The following WDTC1 variants were observed in gnomAD, a reference collection of about 807,000 sequenced individuals.
WDTC1 encodes WD and tetratricopeptide repeats 1.
In WDTC1, 12 loss-of-function variants were observed where a neutral mutation model predicts 76.0. The observed-to-expected ratio is 0.16, with a 90% CI of 0.10 to 0.26. WDTC1 has a LOEUF of 0.26. Ranked by LOEUF, WDTC1 falls within the 10% of genes least tolerant of loss-of-function variation. WDTC1 has a pLI of 1.00. For synonymous variants in WDTC1, 326 were observed against 350.8 expected (o/e 0.93, Z 0.79); for missense variants, 511 against 908.8 (o/e 0.56, Z 5.63).
chr1:27,249,552 C>A (rs182488620), intron 1 of WDTC1, among the ~76,000 whole-genome samples: 3 of 152,028 alleles, frequency 2.0e-5, no homozygotes, highest in Admixed American at 2.0e-4. Flanking sequence ...TGGATGTTTC[C>A]ACCTTTTGGC....
chr1:27,258,395 G>T (rs975378295), intron 1 of WDTC1, among the ~76,000 whole-genome samples: 7 of 151,832 alleles, frequency 4.6e-5, no homozygotes, highest in Non-Finnish European at 5.9e-5. Context: ...TAGCTGGCGT[G>T]GTGGCAGGTG....
chr1:27,294,353 T>C (rs914072888), intron 8 of WDTC1, among the ~76,000 whole-genome samples, 161 bp from the exon 9 acceptor site: 4 of 152,190 alleles, frequency 2.6e-5, no homozygotes, highest in Admixed American at 2.0e-4. Context: ...AGATAAAATA[T>C]ATAAAGCAAC....
In WDTC1 at chr1:27,303,616, C is replaced by T; in HGVS notation, c.1469-5C>T. ...CGCTTACCTTTTCTGGATCTCTGCCCCCAGAGGAGAAGAAGGGACCTGGTG... is the reference window on the plus strand; with the variant it reads ...CGCTTACCTTTTCTGGATCTCTGCCTCCAGAGGAGAAGAAGGGACCTGGTG... On this transcript the variant is annotated splice_polypyrimidine_tract_variant and splice_region_variant and intron_variant, in intron 13 of 15. Transcript: ENST00000319394. This position sits in a 1 kb window ranked among gnomAD's most constrained non-coding sequence, Gnocchi z 4.8. 1.9e-6 allele frequency: 3 copies of T among 1,587,908 alleles called. No individual in the cohort carries two copies. The highest frequency in any genetic ancestry group is 1.1e-5 in the South Asian group (1 of 87,292).
chr1:27,296,113 T>C (rs1288502939), intron 9 of WDTC1, among the ~76,000 whole-genome samples: 1 of 152,126 alleles, frequency 6.6e-6, no homozygotes, highest in African/African-American at 2.4e-5. Context: ...GGACTTTGGG[T>C]AGATCAGATA....
intron 5 of WDTC1, among the ~76,000 whole-genome samples, chr1:27,284,539 A>C (rs1387392529): frequency 6.6e-6 from 1 of 152,126 alleles, no homozygotes; most frequent in Non-Finnish European, 1.5e-5. Context: ...ATGATGATTT[A>C]CCTCTTATAT....
intron 1 of WDTC1, among the ~76,000 whole-genome samples, chr1:27,256,947 C>T (rs1037161073): frequency 1.6e-4 from 25 of 152,140 alleles, no homozygotes; most frequent in African/African-American, 5.3e-4. Context: ...CTGCAAGCTC[C>T]GTCTCCCGGA....
At chr1:27,304,833 C>T in intron 14 of WDTC1, 168 bp from the exon 15 acceptor site, 1 of 622,802 alleles carries the variant, frequency 1.6e-6, no homozygotes, top group Non-Finnish European at 2.7e-6. Context: ...GAACAGTGAC[C>T]AGGGCTATAT....
chr1:27,294,177 A>C (rs1370930215), intron 8 of WDTC1, 61 bp downstream of exon 8: 1 of 1,544,280 alleles, frequency 6.5e-7, no homozygotes, highest in Admixed American at 1.8e-5. Context: ...TTTTGGGGGC[A>C]GTCCAGGGAG....
At chr1:27,293,204 A>G (rs1314723446) in intron 7 of WDTC1, among the ~76,000 whole-genome samples, 1 of 151,542 alleles carries the variant, frequency 6.6e-6, no homozygotes, top group Non-Finnish European at 1.5e-5. Flanking sequence ...AGGCCGAGGC[A>G]GGCGGATCAC....
At chr1:27,279,886 C>G (rs1275514047) in intron 3 of WDTC1, among the ~76,000 whole-genome samples, 1 of 152,226 alleles carries the variant, frequency 6.6e-6, no homozygotes, top group East Asian at 1.9e-4. Flanking sequence ...GTCTTGAACT[C>G]TCTTGGTGCA....
intron 1 of WDTC1, among the ~76,000 whole-genome samples, chr1:27,240,296 T>C (rs2011590455): frequency 6.6e-6 from 1 of 152,162 alleles, no homozygotes; most frequent in African/African-American, 2.4e-5. Flanking sequence ...TAGACTAAAG[T>C]TAAGGAATAT....
intron 3 of WDTC1, among the ~76,000 whole-genome samples, chr1:27,264,695 C>T (rs771453943): frequency 4.6e-5 from 7 of 151,902 alleles, no homozygotes; most frequent in Non-Finnish European, 1.0e-4. Flanking sequence ...GCTGTGTTGC[C>T]CAAGCTGATC....
rs764387833 is a variant in WDTC1 at position 27,306,321 on chromosome 1, G to A, written c.1972G>A (p.Gly658Ser). The change falls in exon 16 of 16, where the codon GGT becomes AGT. Residue 658 changes from glycine (G) to serine (S), a missense_variant. Physicochemically the swap from Gly to Ser is moderately conservative, Grantham distance 56. Coordinates refer to ENST00000319394, the MANE Select transcript of WDTC1 (RefSeq NM_001276252.2). The surrounding 1 kb of genome is among the most constrained non-coding windows in gnomAD (Gnocchi z 5.0). ...GYRITGLSSGGAGASDDEDSS... is the reference protein window; with the variant it reads ...GYRITGLSSGSAGASDDEDSS... ...CCGGATCACGGGCCTGAGCAGTGGG[G>A]GTGCCGGGGCCTCTGATGATGAGGA... is the stretch of plus-strand genomic sequence containing the variant. 1.4e-5 allele frequency: 22 copies of A among 1,613,878 alleles called. No homozygotes were observed. In the South Asian group the frequency reaches 2.4e-4, roughly 18 times the overall value.
At position 27,239,932 on chromosome 1, in the gene WDTC1, G is replaced by A. The variant is rs111647665; in HGVS notation, c.-100+4981G>A. On this transcript the variant is annotated intron_variant, in intron 1 of 15. Transcript: ENST00000319394. ...TTTAAGACAGAGTTTTGCTCTTATT[G>A]CCCAGGCTGGAGTGCACACGATCTC... Among the ~76,000 whole-genome samples the A allele has an allele frequency of 5.3e-5, 8 of 149,908 alleles. 1 individual carries two copies. Among genetic ancestry groups the A allele is most frequent in the African/African-American group, 2.0e-4 (8 of 40,800 alleles).
rs147091660 is a variant in WDTC1 at position 27,301,459 on chromosome 1, G to C, written c.1466G>C (p.Gly489Ala). 1.8e-4 allele frequency: 291 copies of C among 1,612,124 alleles called. 1 individual carries two copies. The African/African-American group carries it at 3.3e-3, about 18-fold the overall frequency. The change falls in exon 13 of 16, where the codon GGT becomes GCT. Residue 489 changes from glycine to alanine, a missense_variant and splice_region_variant. Coordinates refer to ENST00000319394, the MANE Select transcript of WDTC1 (RefSeq NM_001276252.2). This position sits in a 1 kb window ranked among gnomAD's most constrained non-coding sequence, Gnocchi z 5.8. ...GCTGCCCTCTTCTCTAAAAATGATG[G>C]TGGTGAGTGGGCACTGAGGAGGGGG... ...ITAALFSKND[G>A]EEKKGPGGGA... is the part of the protein sequence containing the mutation.
Position 27,283,410 on chromosome 1 carries a change from C to G in WDTC1, c.252C>G (p.Ser84=). The G allele has an allele frequency of 6.2e-7, 1 of 1,613,546 alleles. No homozygotes were observed. The highest frequency in any genetic ancestry group is 8.5e-7 in the Non-Finnish European group (1 of 1,180,032). Residue 84 remains serine (S), a synonymous_variant, in exon 5 of 16, where the codon TCC becomes TCG. Transcript: ENST00000319394. ...WDPLHHKKLL[S]MHTGHTANIF... ...CGCTGCACCACAAGAAGCTGCTCTC[C>G]ATGCACACGGGACACACCGCAAATA...
chr1:27,245,871 G>C (rs2011812685), intron 1 of WDTC1, among the ~76,000 whole-genome samples: 1 of 151,456 alleles, frequency 6.6e-6, no homozygotes, highest in South Asian at 2.1e-4. Context: ...TAATCCTATG[G>C]GACATGCTAT....
At chr1:27,239,602 G>A (rs1256256336) in intron 1 of WDTC1, among the ~76,000 whole-genome samples, 2 of 149,492 alleles carry the variant, frequency 1.3e-5, no homozygotes, top group African/African-American at 4.9e-5. Flanking sequence ...TGTGGGCAGA[G>A]CTCAGGAGTT....
intron 1 of WDTC1, among the ~76,000 whole-genome samples, chr1:27,245,403 G>T (rs938264801): frequency 6.6e-6 from 1 of 151,678 alleles, no homozygotes; most frequent in Non-Finnish European, 1.5e-5. Flanking sequence ...ATCGGATGAA[G>T]AGCAGGCCCT....
Sources: gnomAD v4.1 joint callset for allele counts (sites outside exome capture counted in the v4.1 genomes callset) on GRCh38, gnomAD v4.1.1 for gene constraint, Gnocchi (gnomAD v3.1) non-coding constraint, MANE v1.5 for transcripts, NCBI Gene and HGNC (gene_info 2026-07-23, HGNC 2026-07-21) for gene names.